Variants in BUB1 observed in about 807,000 individuals in gnomAD.
The protein encoded by BUB1 is BUB1 mitotic checkpoint serine/threonine kinase.
In BUB1, 84 loss-of-function variants were observed where a neutral mutation model predicts 135.2. The ratio of observed to expected loss-of-function variants is 0.62; its 90% CI spans 0.52 to 0.74. The LOEUF (loss-of-function observed/expected upper bound fraction) is 0.74. BUB1 is among the 30% of genes least tolerant of loss of function. The pLI is 0.00. For missense variants in BUB1, 1,162 were observed against 1,288.3 expected (o/e 0.90, Z 1.50); for synonymous variants, 403 against 434.4 (o/e 0.93, Z 0.90).
rs746235334 is a variant in BUB1, at chr2:110,669,479, T to C, written c.541A>G (p.Asn181Asp). Residue 181 changes from asparagine to aspartate, a missense_variant, in exon 6 of 25, where the codon AAC (asparagine) becomes GAC (aspartate). Physicochemically the swap from Asn to Asp is conservative, Grantham distance 23 (BLOSUM62 1). Coordinates refer to ENST00000302759, the MANE Select transcript of BUB1 (RefSeq NM_004336.5). ...TGATTCTTAGAAATGCAGGCCATGT[T>C]ATTTCCTGGATTTGATTTTGATGTT... ...MITSKSNPGN[N>D]MACISKNQGS... The C allele has an allele frequency of 6.2e-7, 1 of 1,602,466 alleles. No individual in the cohort carries two copies.
intron 24 of BUB1, 88 bp from the exon 25 acceptor site, chr2:110,638,247 T>C: frequency 9.1e-7 from 1 of 1,097,058 alleles, no homozygotes; most frequent in Non-Finnish European, 1.3e-6. Context: ...TCCACAGGCT[T>C]GGACAGTTTA....
intron 19 of BUB1, 92 bp downstream of exon 19, chr2:110,649,139 TAGG>T (rs1689716478): frequency 4.9e-6 from 6 of 1,229,068 alleles, no homozygotes; most frequent in Admixed American, 2.6e-5. Context: ...GGGGGGCAAA[TAGG>T]AGAATCACAC....
At chr2:110,655,108 A>G (rs995191678) in intron 16 of BUB1, among the ~76,000 whole-genome samples, 2 of 152,218 alleles carry the variant, frequency 1.3e-5, no homozygotes, top group African/African-American at 4.8e-5. Flanking sequence ...ACAATGTCAT[A>G]TGTTAGGATT....
rs1346144445 is a variant in BUB1 at position 110,655,930 on chromosome 2, T to A, written c.1699-14A>T. 23 of 1,604,564 alleles carry A rather than the reference T, an allele frequency of 1.4e-5. No homozygotes were observed. The highest frequency in any genetic ancestry group is 1.7e-4 in the Middle Eastern group (1 of 5,990). ...AGGCACTTCCTCCTATAACAGAAGA[T>A]GAAATGAAAAAAAAGCAGCAATCTC... On this transcript the variant is annotated splice_polypyrimidine_tract_variant and intron_variant, in intron 15 of 24. Transcript: ENST00000302759.
At chr2:110,669,659 G>T (rs1690364755) in intron 5 of BUB1, 106 bp from the exon 6 acceptor site, 3 of 672,326 alleles carry the variant, frequency 4.5e-6, no homozygotes, top group Non-Finnish European at 7.6e-6. Context: ...ATCATAAGAA[G>T]TAAATCAACT....
At chr2:110,645,927 A>C (rs1689634118) in intron 19 of BUB1, among the ~76,000 whole-genome samples, 1 of 152,082 alleles carries the variant, frequency 6.6e-6, no homozygotes, top group African/African-American at 2.4e-5. Flanking sequence ...TAAGCCTAAC[A>C]AGAGAGTGTC....
intron 3 of BUB1, 63 bp from the exon 4 acceptor site, chr2:110,672,920 G>A: frequency 6.9e-7 from 1 of 1,448,042 alleles, no homozygotes. Context: ...GTCTGGTGAG[G>A]AGTTAGCCAG....
At chr2:110,638,294 C>A in intron 24 of BUB1, 135 bp from the exon 25 acceptor site, 1 of 555,986 alleles carries the variant, frequency 1.8e-6, no homozygotes, top group Non-Finnish European at 2.9e-6. Context: ...TACAATGCAG[C>A]AAGTATGGAA....
intron 20 of BUB1, 144 bp downstream of exon 20, chr2:110,641,975 A>G: frequency 2.0e-6 from 2 of 1,015,420 alleles, no homozygotes; most frequent in Non-Finnish European, 2.8e-6. Flanking sequence ...AAAAAATTCT[A>G]AATCTTTTGT....
At chr2:110,660,170 G>A (rs1423193048) in intron 10 of BUB1, 134 bp from the exon 11 acceptor site, 7 of 615,338 alleles carry the variant, frequency 1.1e-5, no homozygotes, top group Admixed American at 7.7e-5. Context: ...TCAGAAGTTC[G>A]AGACCAGCCT....
intron 13 of BUB1, among the ~76,000 whole-genome samples, chr2:110,657,936 C>T (rs964144711): frequency 4.6e-5 from 7 of 152,184 alleles, no homozygotes; most frequent in African/African-American, 1.7e-4. Flanking sequence ...TAAACGCTCT[C>T]AGGGTTTCGT....
rs770345159 is a variant in BUB1, at chr2:110,639,865, G to A, written c.2956-17C>T. ...GTAATCGATCTATGAAGAAGATAGA[G>A]GTATATATGACTTAAATAGTAATTT... On this transcript the variant is annotated splice_polypyrimidine_tract_variant and intron_variant, in intron 23 of 24. Transcript: ENST00000302759. 3 of 1,583,704 alleles carry A rather than the reference G, an allele frequency of 1.9e-6. No homozygotes were observed. Among genetic ancestry groups the A allele is most frequent in the East Asian group, 2.2e-5 (1 of 44,728 alleles).
At chr2:110,640,359 G>A (rs1239516922) in intron 23 of BUB1, among the ~76,000 whole-genome samples, 6 of 140,500 alleles carry the variant, frequency 4.3e-5, no homozygotes, top group African/African-American at 1.6e-4. Context: ...CCAAATCTTT[G>A]CCCCTTTTAC....
intron 15 of BUB1, 125 bp downstream of exon 15, chr2:110,656,911 T>C (rs1284233749): frequency 3.6e-6 from 2 of 553,080 alleles, no homozygotes; most frequent in Non-Finnish European, 6.1e-6. Flanking sequence ...AACATATTCT[T>C]CCTATGTTTC....
At chr2:110,651,220 A>G (rs1016862934) in intron 17 of BUB1, among the ~76,000 whole-genome samples, 2 of 152,186 alleles carry the variant, frequency 1.3e-5, no homozygotes, top group African/African-American at 4.8e-5. Context: ...CATGTGCTGC[A>G]TAACAACAAT....
intron 3 of BUB1, among the ~76,000 whole-genome samples, chr2:110,673,129 G>A (rs1369013211): frequency 2.0e-5 from 3 of 152,190 alleles, no homozygotes; most frequent in Admixed American, 6.5e-5. Flanking sequence ...AACCCAAAAC[G>A]ATAGAGCTTA....
intron 5 of BUB1, 99 bp downstream of exon 5, chr2:110,670,426 C>T: frequency 7.2e-7 from 1 of 1,397,354 alleles, no homozygotes; most frequent in African/African-American, 1.4e-5. Flanking sequence ...GTGTGAGCCA[C>T]CATGCCCAGC....
rs927018399 is a variant in BUB1, at chr2:110,661,711, G to C, written c.1088C>G (p.Pro363Arg). ...TGCAGAAATAGCATTTGCCAAAGGA[G>C]GAACAACAGGAGGTGCCTCTCTTGG... ...KNPREAPPVV[P>R]PLANAISAAL... The change falls in exon 10 of 25, where the codon CCT becomes CGT. Residue 363 changes from proline to arginine, a missense_variant. Physicochemically the swap from Pro to Arg is moderately radical, Grantham distance 103. Coordinates refer to ENST00000302759, the MANE Select transcript of BUB1 (RefSeq NM_004336.5). The C allele has an allele frequency of 2.5e-6, 4 of 1,614,094 alleles. No homozygotes were observed. The highest frequency in any genetic ancestry group is 2.7e-5 in the African/African-American group (2 of 74,926).
At chr2:110,671,731 G>A (rs183914315) in intron 4 of BUB1, among the ~76,000 whole-genome samples, 13 of 152,218 alleles carry the variant, frequency 8.5e-5, no homozygotes, top group African/African-American at 2.9e-4. Flanking sequence ...ATAATTTTAT[G>A]ATGAAGGAAA....
Sources: gnomAD v4.1 joint callset for allele counts (sites outside exome capture counted in the v4.1 genomes callset) on GRCh38, gnomAD v4.1.1 for gene constraint, MANE v1.5 for transcripts, NCBI Gene and HGNC (gene_info 2026-07-23, HGNC 2026-07-21) for gene names.